RAI1: variants seen among roughly 807,000 people sequenced by gnomAD.
The protein encoded by RAI1 is retinoic acid induced 1, also known as retinoic acid-induced protein 1.
RAI1 carries 9 observed loss-of-function variants against 123.8 expected under a neutral mutation model. The ratio of observed to expected loss-of-function variants is 0.07; its 90% CI spans 0.04 to 0.13. The LOEUF (loss-of-function observed/expected upper bound fraction) is 0.13, where lower values mean the gene tolerates loss of function less well. Among genes scored for constraint, RAI1 ranks in the 10% least tolerant of loss-of-function variants. RAI1 has a pLI of 1.00. For missense variants in RAI1, 2,256 were observed against 2,545.8 expected, an observed-to-expected ratio of 0.89 and a Z score of 2.45; for synonymous variants, 1,231 against 1,127.3, an observed-to-expected ratio of 1.09 and a Z score of -1.84.
At chr17:17,745,709 AAGC>A (rs1367163412) in intron 2 of RAI1, among the ~76,000 whole-genome samples, 1 of 152,096 alleles carries the variant, frequency 6.6e-6, no homozygotes, top group Admixed American at 6.5e-5. Context: ...GAAGGCTTTT[AAGC>A]AGGGAGGTAA....
chr17:17,710,035 C>T (rs937165518), intron 1 of RAI1, among the ~76,000 whole-genome samples: 1 of 152,174 alleles, frequency 6.6e-6, no homozygotes, highest in Non-Finnish European at 1.5e-5. Flanking sequence ...ACACTCTTCT[C>T]ACACCCTCAC....
chr17:17,787,633 C>A (rs1173858125), intron 2 of RAI1, among the ~76,000 whole-genome samples: 3 of 152,214 alleles, frequency 2.0e-5, no homozygotes. Context: ...TGCCCCTCGT[C>A]CCTGGACTGT....
At chr17:17,711,215 C>T (rs922986249) in intron 1 of RAI1, among the ~76,000 whole-genome samples, 3 of 152,196 alleles carry the variant, frequency 2.0e-5, no homozygotes, top group African/African-American at 4.8e-5. Context: ...ACTCTGGTCA[C>T]GTCCTGGCTG....
At chr17:17,757,765 A>G (rs1157664805) in intron 2 of RAI1, among the ~76,000 whole-genome samples, 1 of 152,096 alleles carries the variant, frequency 6.6e-6, no homozygotes, top group East Asian at 1.9e-4. Flanking sequence ...CTTGAGATAC[A>G]CCTGCTCACG....
intron 1 of RAI1, among the ~76,000 whole-genome samples, chr17:17,723,503 T>C (rs1465126109): frequency 6.6e-6 from 1 of 151,584 alleles, no homozygotes; most frequent in African/African-American, 2.4e-5. Flanking sequence ...CCTCTATCTT[T>C]GACATACACA....
In RAI1 at chr17:17,810,237, AG is replaced by A; in HGVS notation, c.*260del. 1.8e-6 allele frequency: 1 copy of A among 552,762 alleles called. No homozygotes were observed. Among genetic ancestry groups the A allele is most frequent in the Non-Finnish European group, 3.1e-6 (1 of 321,328 alleles). 34.2% of individuals were successfully genotyped at this position (552,762 alleles called of 1,614,324 possible). ...GGCACAGGGCGTTCTTGCCCACCCC[AG>A]GGGCCAGGCTTGCGGAGGGGGAGCC... On this transcript the variant is annotated 3_prime_UTR_variant, in exon 6 of 6. Coordinates refer to ENST00000353383, the MANE Select transcript of RAI1 (RefSeq NM_030665.4). The surrounding 1 kb of genome is among the most constrained non-coding windows in gnomAD (Gnocchi z 4.6).
At chr17:17,708,162 C>T (rs1291316717) in intron 1 of RAI1, among the ~76,000 whole-genome samples, 1 of 152,158 alleles carries the variant, frequency 6.6e-6, no homozygotes, top group East Asian at 1.9e-4. Context: ...CCTCCTGCTG[C>T]CACCCTCTGA....
intron 1 of RAI1, among the ~76,000 whole-genome samples, chr17:17,697,564 A>G (rs973035611): frequency 5.9e-5 from 9 of 152,226 alleles, no homozygotes; most frequent in East Asian, 1.9e-4. Context: ...TGTGCTGAAC[A>G]TGATTTATTT....
At position 17,811,034 on chromosome 17, in the gene RAI1, G is replaced by C; in HGVS notation, c.*1053G>C. The C allele has an allele frequency of 3.2e-6, 1 of 315,850 alleles. No individual in the cohort carries two copies. The highest frequency in any genetic ancestry group is 6.3e-6 in the Non-Finnish European group (1 of 158,676). The allele number at this position is 315,850 out of a possible 1,614,324, so 19.6% of individuals were successfully genotyped here. On this transcript the variant is annotated 3_prime_UTR_variant, in exon 6 of 6. Transcript: ENST00000353383. Reference sequence around the variant, plus strand: ...GGCCTTTGCCGGGTAAGGGGCTACCGCGACGCCACTTGTCCACGCAGCCAC... The same window carrying C: ...GGCCTTTGCCGGGTAAGGGGCTACCCCGACGCCACTTGTCCACGCAGCCAC...
chr17:17,699,730 C>A (rs1915153809), intron 1 of RAI1, among the ~76,000 whole-genome samples: 1 of 152,202 alleles, frequency 6.6e-6, no homozygotes, highest in Non-Finnish European at 1.5e-5. Context: ...ACCCTGCTTC[C>A]CCCGGCCACA....
chr17:17,721,248 AG>A (rs1458723988), intron 1 of RAI1, among the ~76,000 whole-genome samples: 3 of 152,138 alleles, frequency 2.0e-5, no homozygotes, highest in Non-Finnish European at 4.4e-5. Context: ...TTATGGGAGG[AG>A]GGCTTGGTTT....
Position 17,801,342 on chromosome 17 carries a change from G to C in RAI1, c.5566-2414G>C, listed in dbSNP as rs1391936573. On this transcript the variant is annotated intron_variant, in intron 3 of 5. Transcript: ENST00000353383. This position sits in a 1 kb window ranked among gnomAD's most constrained non-coding sequence, Gnocchi z 4.1. The stretch of plus-strand genomic sequence containing the variant: ...GCAGGGTTTACATGCCGCCACCCCT[G>C]CCCTCCTCTTGGGTAGCTGGGGTCA... Among the ~76,000 whole-genome samples, 2 of 152,160 alleles carry C rather than the reference G, an allele frequency of 1.3e-5. No individual in the cohort carries two copies. Among genetic ancestry groups the C allele is most frequent in the African/African-American group, 4.8e-5 (2 of 41,434 alleles).
rs371621119 is a variant in RAI1, at chr17:17,736,841, ACTT to A, written c.-17+12685_-17+12687del. 2.0e-4 allele frequency among the ~76,000 whole-genome samples: 30 copies of A among 152,322 alleles called. No homozygotes were observed. In the East Asian group the frequency reaches 5.0e-3, roughly 25 times the overall value. ...ATTCTTTCTAGAGAGAAACTAGAAT[ACTT>A]CTGGAAGTGGTGTGTTTTTGAAGAT... On this transcript the variant is annotated intron_variant, in intron 2 of 5. Coordinates refer to ENST00000353383, the MANE Select transcript of RAI1 (RefSeq NM_030665.4).
Position 17,809,555 on chromosome 17 carries a change from G to A in RAI1, c.5709+116G>A. The A allele has an allele frequency of 1.7e-6, 2 of 1,185,950 alleles. No homozygotes were observed. The highest frequency in any genetic ancestry group is 2.5e-6 in the Non-Finnish European group (2 of 810,520). 73.5% of individuals were successfully genotyped at this position (1,185,950 alleles called of 1,614,324 possible). A position where few individuals can be genotyped will look rare whatever the true frequency, so the allele number is the denominator to read the frequency against. On this transcript the variant is annotated intron_variant, in intron 5 of 5. Coordinates refer to ENST00000353383, the MANE Select transcript of RAI1 (RefSeq NM_030665.4). The surrounding 1 kb of genome is among the most constrained non-coding windows in gnomAD (Gnocchi z 4.9). ...TGGCTGCGCAGCCCCGCAGGGCCCAGCCCTAGGGGAGGGAGCTCTCCCCGC... is the reference window on the plus strand; with the variant it reads ...TGGCTGCGCAGCCCCGCAGGGCCCAACCCTAGGGGAGGGAGCTCTCCCCGC...
At chr17:17,740,273 G>A (rs534247728) in intron 2 of RAI1, among the ~76,000 whole-genome samples, 45 of 152,262 alleles carry the variant, frequency 3.0e-4, no homozygotes, top group Admixed American at 1.9e-3. Context: ...CCTTTGGGGA[G>A]GACCCTGGCC....
At chr17:17,753,551 G>A (rs533486366) in intron 2 of RAI1, among the ~76,000 whole-genome samples, 123 of 152,324 alleles carry the variant, frequency 8.1e-4, no homozygotes, top group African/African-American at 2.8e-3. Context: ...TTTGAGCCAA[G>A]CTAATAACAA....
intron 4 of RAI1, among the ~76,000 whole-genome samples, chr17:17,807,909 C>G (rs8079735): frequency 0.02 from 3,029 of 152,318 alleles, 107 homozygotes; most frequent in African/African-American, 0.069. Context: ...CCGTGGCACT[C>G]CAGCTTCTGG....
intron 1 of RAI1, chr17:17,684,686 A>ATG (rs1567817650): frequency 2.2e-5 from 1 of 46,500 alleles, no homozygotes; most frequent in African/African-American, 7.5e-5. Flanking sequence ...ATATATATAT[A>ATG]TATATATATA....
chr17:17,697,556 T>G (rs1252969177), intron 1 of RAI1, among the ~76,000 whole-genome samples: 1 of 152,254 alleles, frequency 6.6e-6, no homozygotes, highest in Non-Finnish European at 1.5e-5. Context: ...GAGATTGATG[T>G]GCTGAACATG....
Sources: gnomAD v4.1 joint callset for allele counts (sites outside exome capture counted in the v4.1 genomes callset) on GRCh38, gnomAD v4.1.1 for gene constraint, Gnocchi (gnomAD v3.1) non-coding constraint, MANE v1.5 for transcripts, NCBI Gene and HGNC (gene_info 2026-07-23, HGNC 2026-07-21) for gene names.